PITPNM3: variants seen among roughly 807,000 people sequenced by gnomAD.
PITPNM3 encodes membrane-associated phosphatidylinositol transfer protein 3.
PITPNM3 carries 26 observed loss-of-function variants against 102.0 expected under a neutral mutation model. The observed-to-expected ratio is 0.25, with a 90% CI of 0.19 to 0.35. The LOEUF (loss-of-function observed/expected upper bound fraction) is 0.35. Ranked by LOEUF, PITPNM3 falls within the 10% of genes least tolerant of loss-of-function variation. The probability of loss-of-function intolerance (pLI) is 1.00; values close to 1 mark genes in which losing one functional copy is unlikely to be tolerated. For synonymous variants in PITPNM3, 578 were observed against 558.6 expected, an observed-to-expected ratio of 1.03 and a Z score of -0.49; for missense variants, 1,083 against 1,346.1, an observed-to-expected ratio of 0.80 and a Z score of 3.06.
chr17:6,454,839 G>A lies in PITPNM3; in HGVS notation c.*499C>T, dbSNP rs944878781. The A allele has an allele frequency of 1.2e-5, 2 of 160,008 alleles. No homozygotes were observed. The highest frequency in any genetic ancestry group is 2.7e-5 in the Non-Finnish European group (2 of 73,498). 9.9% of individuals were successfully genotyped at this position (160,008 alleles called of 1,614,324 possible). On this transcript the variant is annotated 3_prime_UTR_variant, in exon 20 of 20. Transcript: ENST00000262483. The stretch of plus-strand genomic sequence containing the variant: ...CCAGAAAGTGGCCATCTTGCCATAA[G>A]AGCGCCAACCCCAAAATGGTGACCC...
chr17:6,487,000 C>G (rs529764459), intron 4 of PITPNM3, among the ~76,000 whole-genome samples: 2 of 152,286 alleles, frequency 1.3e-5, no homozygotes, highest in African/African-American at 4.8e-5. Flanking sequence ...CCCTTTCCAC[C>G]ACGTGAACTA....
chr17:6,533,632 T>C (rs530816543), intron 2 of PITPNM3, among the ~76,000 whole-genome samples: 1 of 152,038 alleles, frequency 6.6e-6, no homozygotes, highest in African/African-American at 2.4e-5. Context: ...TTTTTTTGTA[T>C]CTTTAGTAGA....
At chr17:6,546,807 C>A (rs1427396053) in intron 1 of PITPNM3, among the ~76,000 whole-genome samples, 1 of 152,168 alleles carries the variant, frequency 6.6e-6, no homozygotes, top group African/African-American at 2.4e-5. Context: ...GAGTTGCAGA[C>A]CAAGCTGGCC....
In PITPNM3 at chr17:6,469,813, C is replaced by A. The variant is rs1160681285; in HGVS notation, c.1773+447G>T. Among the ~76,000 whole-genome samples, 1 of 152,320 alleles carries A rather than the reference C, an allele frequency of 6.6e-6. No homozygotes were observed. The highest frequency in any genetic ancestry group is 1.9e-4 in the East Asian group (1 of 5,178). On this transcript the variant is annotated intron_variant, in intron 13 of 19. Transcript: ENST00000262483. The surrounding 1 kb of genome is among the most constrained non-coding windows in gnomAD (Gnocchi z 4.0). ...GTTGAACCCAATATAAAACCATACC[C>A]CTGACCTTGGCCATCACGGCTGTTC...
intron 14 of PITPNM3, among the ~76,000 whole-genome samples, chr17:6,465,063 T>C (rs991763392): frequency 2.4e-4 from 36 of 152,296 alleles, no homozygotes; most frequent in African/African-American, 6.7e-4. Flanking sequence ...TTTTGTTTTT[T>C]GTTTTTGAGA....
At chr17:6,475,469 A>C (rs1364642880) in intron 9 of PITPNM3, among the ~76,000 whole-genome samples, 1 of 152,178 alleles carries the variant, frequency 6.6e-6, no homozygotes, top group Admixed American at 6.5e-5. Context: ...AGGAGAACAA[A>C]CTTTAGAAAG....
chr17:6,456,201 T>G (rs980429849), intron 19 of PITPNM3, among the ~76,000 whole-genome samples: 1 of 152,070 alleles, frequency 6.6e-6, no homozygotes, highest in African/African-American at 2.4e-5. Context: ...TTTTTTAAAT[T>G]TTTTGTAGAA....
At chr17:6,540,009 C>G (rs1232359882) in intron 1 of PITPNM3, among the ~76,000 whole-genome samples, 1 of 152,186 alleles carries the variant, frequency 6.6e-6, no homozygotes, top group Non-Finnish European at 1.5e-5. Flanking sequence ...ATGCGGTGGC[C>G]TCATACATGC....
intron 1 of PITPNM3, among the ~76,000 whole-genome samples, chr17:6,540,443 C>G (rs1024515511): frequency 3.9e-5 from 6 of 152,280 alleles, no homozygotes; most frequent in Middle Eastern, 3.4e-3. Flanking sequence ...ATGTGTGGAT[C>G]TGTACTTCCG....
At chr17:6,510,904 A>G (rs1907831380) in intron 3 of PITPNM3, among the ~76,000 whole-genome samples, 1 of 152,216 alleles carries the variant, frequency 6.6e-6, no homozygotes, top group Non-Finnish European at 1.5e-5. Context: ...GAAGCTGACG[A>G]GCTCCGCATG....
intron 4 of PITPNM3, among the ~76,000 whole-genome samples, chr17:6,487,289 C>A (rs1906154498): frequency 6.6e-6 from 1 of 152,122 alleles, no homozygotes; most frequent in Non-Finnish European, 1.5e-5. Context: ...AAGCAGCTAC[C>A]CCATGGGGTG....
rs182532313 is a variant in PITPNM3, at chr17:6,485,510, G to A, written c.275-1218C>T. Reference sequence around the variant, plus strand: ...ATATATCCTTTCGGTCGGTTTCTCCGCAGAACCCTAATATGGCTGGATACA... The same window carrying A: ...ATATATCCTTTCGGTCGGTTTCTCCACAGAACCCTAATATGGCTGGATACA... On this transcript the variant is annotated intron_variant, in intron 4 of 19. Coordinates refer to ENST00000262483, the MANE Select transcript of PITPNM3 (RefSeq NM_031220.4). Among the ~76,000 whole-genome samples the A allele has an allele frequency of 1.8e-3, 273 of 152,056 alleles. 1 individual carries two copies. Among genetic ancestry groups the A allele is most frequent in the African/African-American group, 6.1e-3 (255 of 41,474 alleles).
chr17:6,469,378 C>T lies in PITPNM3; in HGVS notation c.1773+882G>A, dbSNP rs1413842344. ...GCACCCTGGCCTGGGTGCCACCGGGCTGGGGACCCACCCCCAGCCCAGCAC... is the reference window on the plus strand; with the variant it reads ...GCACCCTGGCCTGGGTGCCACCGGGTTGGGGACCCACCCCCAGCCCAGCAC... On this transcript the variant is annotated intron_variant, in intron 13 of 19. Transcript: ENST00000262483. The surrounding 1 kb of genome is among the most constrained non-coding windows in gnomAD (Gnocchi z 4.0). Among the ~76,000 whole-genome samples the T allele has an allele frequency of 6.6e-6, 1 of 152,002 alleles. No homozygotes were observed. Among genetic ancestry groups the T allele is most frequent in the Admixed American group, 6.6e-5 (1 of 15,264 alleles).
intron 14 of PITPNM3, among the ~76,000 whole-genome samples, chr17:6,465,002 C>T (rs75480598): frequency 0.026 from 3,929 of 152,200 alleles, 115 homozygotes; most frequent in South Asian, 0.12. Flanking sequence ...TGCCATTGTA[C>T]GTTTTCTGCT....
At chr17:6,510,733 GCAGAGTGGTCCGTGCTACAGA>G (rs1227133466) in intron 3 of PITPNM3, among the ~76,000 whole-genome samples, 1 of 152,282 alleles carries the variant, frequency 6.6e-6, no homozygotes, top group Non-Finnish European at 1.5e-5. Context: ...ACAGCTGTCA[GCAGAGTGGTCCGTGCTACAGA>G]CAAGAGACCA....
At position 6,470,840 on chromosome 17, in the gene PITPNM3, A is replaced by T. The variant is rs1219341816; in HGVS notation, c.1624+321T>A. 6.6e-6 allele frequency among the ~76,000 whole-genome samples: 1 copy of T among 152,002 alleles called. No individual in the cohort carries two copies. Among genetic ancestry groups the T allele is most frequent in the Non-Finnish European group, 1.5e-5 (1 of 68,002 alleles). The stretch of plus-strand genomic sequence containing the variant: ...GGTCAAAGCTCAGACCCTGTCAGGG[A>T]TCAGGGGTCACTGCTCTCCTCAAGG... On this transcript the variant is annotated intron_variant, in intron 12 of 19. Coordinates refer to ENST00000262483, the MANE Select transcript of PITPNM3 (RefSeq NM_031220.4). This position sits in a 1 kb window ranked among gnomAD's most constrained non-coding sequence, Gnocchi z 4.8.
chr17:6,553,713 C>T (rs1910443595), intron 1 of PITPNM3, among the ~76,000 whole-genome samples: 1 of 152,168 alleles, frequency 6.6e-6, no homozygotes. Flanking sequence ...CACTCCTGGC[C>T]TTCAGCAGCC....
intron 3 of PITPNM3, among the ~76,000 whole-genome samples, chr17:6,505,218 A>ATATATATATATATATATATATATATATAT (rs1555556418): frequency 6.9e-6 from 1 of 145,920 alleles, no homozygotes; most frequent in African/African-American, 2.6e-5. Context: ...ATATATATGT[A>ATATATATATATATATATATATATATATAT]AAGCCTTCAG....
intron 4 of PITPNM3, 120 bp from the exon 5 acceptor site, chr17:6,484,412 T>A: frequency 9.9e-7 from 1 of 1,014,882 alleles, no homozygotes; most frequent in Non-Finnish European, 1.5e-6. Flanking sequence ...GAGCTCAAGT[T>A]AGAGTCTGGA....
Sources: gnomAD v4.1 joint callset for allele counts (sites outside exome capture counted in the v4.1 genomes callset) on GRCh38, gnomAD v4.1.1 for gene constraint, Gnocchi (gnomAD v3.1) non-coding constraint, MANE v1.5 for transcripts, NCBI Gene and HGNC (gene_info 2026-07-23, HGNC 2026-07-21) for gene names.